Variants in GPC6 observed in about 807,000 individuals in gnomAD.
GPC6 encodes glypican 6.
In GPC6, 14 loss-of-function variants were observed where a neutral mutation model predicts 55.2. The ratio of observed to expected loss-of-function variants is 0.25; its 90% confidence interval spans 0.17 to 0.40. The LOEUF (loss-of-function observed/expected upper bound fraction) is 0.40. Ranked by LOEUF, GPC6 falls within the 10% of genes least tolerant of loss-of-function variation. The pLI is 1.00. For missense variants in GPC6, 641 were observed against 708.5 expected (o/e 0.90, Z 1.08); for synonymous variants, 278 against 259.6 (o/e 1.07, Z -0.68).
At chr13:94,021,377 A>G (rs1882689627) in intron 3 of GPC6, among the ~76,000 whole-genome samples, 1 of 152,046 alleles carries the variant, frequency 6.6e-6, no homozygotes, top group South Asian at 2.1e-4. Context: ...GTGAGCATCC[A>G]TGCATCAATG....
intron 2 of GPC6, among the ~76,000 whole-genome samples, chr13:93,726,820 C>T (rs961474693): frequency 6.6e-6 from 1 of 152,124 alleles, no homozygotes; most frequent in South Asian, 2.1e-4. Context: ...AGGACTAGAA[C>T]TTAATGTCTT....
chr13:94,175,951 TATATAGAGAGAG>T (rs1372460423), intron 4 of GPC6, among the ~76,000 whole-genome samples: 1 of 95,864 alleles, frequency 1.0e-5, no homozygotes, highest in Non-Finnish European at 2.2e-5. Flanking sequence ...TATATATATA[TATATAGAGAGAG>T]AGAGAGAGAG....
intron 6 of GPC6, among the ~76,000 whole-genome samples, chr13:94,375,032 T>C (rs1471376433): frequency 2.0e-5 from 3 of 148,548 alleles, no homozygotes; most frequent in Non-Finnish European, 3.0e-5. Context: ...AGACACAACA[T>C]ACCAGAATCT....
chr13:93,394,510 G>T (rs1594139566), intron 1 of GPC6, among the ~76,000 whole-genome samples: 1 of 152,214 alleles, frequency 6.6e-6, no homozygotes, highest in African/African-American at 2.4e-5. Flanking sequence ...GCCCCTGATA[G>T]TTCCTCTCTT....
chr13:93,272,096 T>A (rs1877549880), intron 1 of GPC6, among the ~76,000 whole-genome samples: 1 of 151,992 alleles, frequency 6.6e-6, no homozygotes, highest in African/African-American at 2.4e-5. Context: ...TAGGGAAAAA[T>A]AAGCTGTAGT....
intron 5 of GPC6, among the ~76,000 whole-genome samples, chr13:94,305,089 T>C (rs1875872857): frequency 6.6e-6 from 1 of 152,242 alleles, no homozygotes; most frequent in Non-Finnish European, 1.5e-5. Context: ...ATACAATTCA[T>C]TTAATCCTGA....
At chr13:93,421,312 G>A (rs1017610370) in intron 1 of GPC6, among the ~76,000 whole-genome samples, 3 of 152,094 alleles carry the variant, frequency 2.0e-5, no homozygotes, top group South Asian at 2.1e-4. Flanking sequence ...TCCTCAGGCC[G>A]TCATGTATAA....
chr13:94,127,348 G>C (rs1220362279), intron 4 of GPC6, among the ~76,000 whole-genome samples: 1 of 151,996 alleles, frequency 6.6e-6, no homozygotes, highest in Non-Finnish European at 1.5e-5. Flanking sequence ...TTGTGATAGT[G>C]AGTTTTTGTG....
At chr13:94,124,555 G>A (rs556146746) in intron 4 of GPC6, among the ~76,000 whole-genome samples, 1 of 152,168 alleles carries the variant, frequency 6.6e-6, no homozygotes, top group African/African-American at 2.4e-5. Flanking sequence ...CACACTGGGG[G>A]ATAGAGGAGA....
chr13:94,381,161 G>A (rs1009206449), intron 6 of GPC6, among the ~76,000 whole-genome samples: 1 of 152,148 alleles, frequency 6.6e-6, no homozygotes, highest in Non-Finnish European at 1.5e-5. Context: ...AATAATCTGT[G>A]TTACTAGGTA....
chr13:94,086,221 A>C (rs1406486316), intron 4 of GPC6, among the ~76,000 whole-genome samples: 2 of 152,230 alleles, frequency 1.3e-5, no homozygotes, highest in Non-Finnish European at 2.9e-5. Context: ...CTCACACTGC[A>C]TGCAGCCAAC....
intron 2 of GPC6, among the ~76,000 whole-genome samples, chr13:93,689,740 G>A (rs769879689): frequency 1.4e-4 from 22 of 151,766 alleles, no homozygotes; most frequent in East Asian, 3.9e-4. Context: ...TAAATATTTC[G>A]CCCTGTTTCT....
At chr13:93,963,936 C>T (rs867860055) in intron 3 of GPC6, among the ~76,000 whole-genome samples, 1 of 152,156 alleles carries the variant, frequency 6.6e-6, no homozygotes, top group Non-Finnish European at 1.5e-5. Flanking sequence ...GTATCAATGT[C>T]AGCCCTGATA....
chr13:94,083,376 C>T (rs1015032805), intron 4 of GPC6, among the ~76,000 whole-genome samples: 41 of 152,288 alleles, frequency 2.7e-4, no homozygotes, highest in African/African-American at 9.9e-4. Context: ...CCTTGGCCTC[C>T]CAAAGTGCTG....
intron 6 of GPC6, among the ~76,000 whole-genome samples, chr13:94,322,784 G>A (rs547058454): frequency 6.6e-6 from 1 of 152,152 alleles, no homozygotes; most frequent in Non-Finnish European, 1.5e-5. Flanking sequence ...AGCAGGGTTG[G>A]TCACACGGTG....
intron 2 of GPC6, among the ~76,000 whole-genome samples, chr13:93,762,075 A>T (rs562016745): frequency 6.6e-6 from 1 of 152,098 alleles, no homozygotes; most frequent in East Asian, 1.9e-4. Flanking sequence ...TTCTACTCTC[A>T]ATCTCTGAAA....
At chr13:93,718,540 TC>T (rs2060005892) in intron 2 of GPC6, among the ~76,000 whole-genome samples, 1 of 152,126 alleles carries the variant, frequency 6.6e-6, no homozygotes, top group South Asian at 2.1e-4. Context: ...AAAAATGTTC[TC>T]CCATTCTGTA....
intron 1 of GPC6, among the ~76,000 whole-genome samples, chr13:93,278,118 A>G (rs1877819044): frequency 6.6e-6 from 1 of 152,170 alleles, no homozygotes; most frequent in Non-Finnish European, 1.5e-5. Flanking sequence ...CTTGCAAAAC[A>G]TTTGCTTCAG....
At chr13:93,391,468 A>G (rs1875629320) in intron 1 of GPC6, among the ~76,000 whole-genome samples, 1 of 152,210 alleles carries the variant, frequency 6.6e-6, no homozygotes, top group African/African-American at 2.4e-5. Flanking sequence ...GACTTTCAGT[A>G]AAATAAATCC....
Sources: allele counts gnomAD v4.1 joint callset (sites outside exome capture counted in the v4.1 genomes callset), GRCh38; gene constraint gnomAD v4.1.1; transcripts MANE v1.5; gene names NCBI Gene and HGNC (gene_info 2026-07-23, HGNC 2026-07-21).